SLC60A1: variants seen among roughly 807,000 people sequenced by gnomAD.
SLC60A1 encodes the protein solute carrier family 60 member 1.
At chr1:205,588,237 C>T in the SLC60A1 span, among the ~76,000 whole-genome samples, 5 of 151,788 alleles carry the variant, frequency 3.3e-5, no homozygotes, top group Non-Finnish European at 7.4e-5. Context: ...TTTGGGAGGC[C>T]GAGGCGGGTG....
chr1:205,597,424 T>C, the SLC60A1 span: 1 of 138,948 alleles, frequency 7.2e-6, no homozygotes, highest in Non-Finnish European at 1.5e-5. Context: ...GGTCTCACTC[T>C]GTCACCCAGG....
At chr1:205,590,327 G>A in the SLC60A1 span, among the ~76,000 whole-genome samples, 4 of 152,234 alleles carry the variant, frequency 2.6e-5, no homozygotes, top group African/African-American at 9.6e-5. Flanking sequence ...ACCATGTTCT[G>A]TGCCAAAGAA....
the SLC60A1 span, among the ~76,000 whole-genome samples, chr1:205,583,291 C>A: frequency 2.0e-5 from 3 of 152,146 alleles, no homozygotes; most frequent in Non-Finnish European, 4.4e-5. Context: ...ACAGGCTGTT[C>A]GTAAACATGT....
the SLC60A1 span, chr1:205,585,899 G>A: frequency 1.0e-6 from 1 of 986,958 alleles, no homozygotes; most frequent in Non-Finnish European, 1.4e-6. This position sits in a 1 kb window ranked among gnomAD's most constrained non-coding sequence, Gnocchi z 4.2. Flanking sequence ...GCCCAGCCCT[G>A]GCTGAGCCTC....
the SLC60A1 span, among the ~76,000 whole-genome samples, chr1:205,582,549 A>T: frequency 6.6e-6 from 1 of 151,502 alleles, no homozygotes; most frequent in Admixed American, 6.6e-5. Flanking sequence ...CCCAGCACCC[A>T]CCTCCCTGGA....
the SLC60A1 span, among the ~76,000 whole-genome samples, chr1:205,594,218 G>A: frequency 6.6e-6 from 1 of 152,172 alleles, no homozygotes; most frequent in Admixed American, 6.5e-5. Context: ...CATGGGCGAG[G>A]GCCCAGGAGC....
At chr1:205,599,051 ATGGAGAAG>A in the SLC60A1 span, 1 of 1,567,732 alleles carries the variant, frequency 6.4e-7, no homozygotes. Flanking sequence ...CCAGCCAAGG[ATGGAGAAG>A]GCTGCTTCCT....
the SLC60A1 span, among the ~76,000 whole-genome samples, chr1:205,584,291 G>A: frequency 6.2e-5 from 9 of 145,464 alleles, no homozygotes; most frequent in South Asian, 6.4e-4. Context: ...GTGCAATCTC[G>A]GCTCATTGCA....
chr1:205,595,831 T>C, the SLC60A1 span, among the ~76,000 whole-genome samples: 1 of 152,238 alleles, frequency 6.6e-6, no homozygotes, highest in East Asian at 1.9e-4. Flanking sequence ...GTGGTTAGCA[T>C]AGAACCCAGT....
At chr1:205,598,976 C>G in the SLC60A1 span, 1 of 1,013,918 alleles carries the variant, frequency 9.9e-7, no homozygotes, top group Non-Finnish European at 1.5e-6. Flanking sequence ...TGAAACAAGG[C>G]CAAGGCCTCC....
the SLC60A1 span, chr1:205,586,123 C>T: frequency 1.2e-6 from 2 of 1,613,778 alleles, no homozygotes; most frequent in Non-Finnish European, 1.7e-6. Context: ...CCAGCCTCTT[C>T]TGGGGCTTCA....
At chr1:205,579,400 A>G in the SLC60A1 span, 1 of 498,464 alleles carries the variant, frequency 2.0e-6, no homozygotes, top group Non-Finnish European at 3.6e-6. Flanking sequence ...ATGCCTCTTG[A>G]GATGCTCAAA....
the SLC60A1 span, among the ~76,000 whole-genome samples, chr1:205,595,870 G>C: frequency 6.6e-6 from 1 of 152,202 alleles, no homozygotes; most frequent in South Asian, 2.1e-4. Flanking sequence ...CAAATGAGTG[G>C]AACAGACAGA....
chr1:205,597,066 G>A, the SLC60A1 span, among the ~76,000 whole-genome samples: 394 of 152,318 alleles, frequency 2.6e-3, 1 homozygote, highest in African/African-American at 9.0e-3. Context: ...GCTGGTCAGT[G>A]CAATGCCAGG....
the SLC60A1 span, chr1:205,585,977 A>G: frequency 4.7e-6 from 7 of 1,505,146 alleles, no homozygotes; most frequent in Non-Finnish European, 6.2e-6. This position sits in a 1 kb window ranked among gnomAD's most constrained non-coding sequence, Gnocchi z 4.2. Context: ...TCCCTTTGTG[A>G]GGGTCATTGT....
chr1:205,570,074 C>T, the SLC60A1 span, among the ~76,000 whole-genome samples: 1 of 152,198 alleles, frequency 6.6e-6, no homozygotes. Flanking sequence ...CATCCTACTC[C>T]TGCTGGGCCT....
At chr1:205,596,124 T>C in the SLC60A1 span, among the ~76,000 whole-genome samples, 72 of 152,316 alleles carry the variant, frequency 4.7e-4, 4 homozygotes, top group East Asian at 0.014. Flanking sequence ...TAGACAATGA[T>C]GACAACCATT....
At chr1:205,597,690 C>A in the SLC60A1 span, 2 of 1,362,366 alleles carry the variant, frequency 1.5e-6, no homozygotes, top group Non-Finnish European at 2.1e-6. Context: ...AATGCATATG[C>A]CACTGTGCCT....
chr1:205,586,865 TTTTG>T, the SLC60A1 span, among the ~76,000 whole-genome samples: 1 of 151,968 alleles, frequency 6.6e-6, no homozygotes, highest in Admixed American at 6.6e-5. Context: ...CCTGGCTAAT[TTTTG>T]TATTTTTAAT....
Sources: gnomAD v4.1 joint callset for allele counts (sites outside exome capture counted in the v4.1 genomes callset) on GRCh38, gnomAD v4.1.1 for gene constraint, Gnocchi (gnomAD v3.1) non-coding constraint, MANE v1.5 for transcripts, NCBI Gene and HGNC (gene_info 2026-07-23, HGNC 2026-07-21) for gene names.